PCDHA11: variants seen among roughly 807,000 people sequenced by gnomAD.
PCDHA11 encodes protocadherin alpha 11, also known as protocadherin alpha-11.
Under a neutral mutation model 70.3 loss-of-function variants are expected in PCDHA11, and 61 were observed. The ratio of observed to expected loss-of-function variants is 0.87; its 90% CI spans 0.71 to 1.07. PCDHA11 has a LOEUF of 1.07. PCDHA11 is among the 50% of genes least tolerant of loss of function. The pLI, the probability that PCDHA11 is intolerant of heterozygous loss-of-function variation, is 0.00. For missense variants in PCDHA11, 1,324 were observed against 1,237.5 expected, an observed-to-expected ratio of 1.07 and a Z score of -1.05; for synonymous variants, 633 against 555.1, an observed-to-expected ratio of 1.14 and a Z score of -1.97.
In PCDHA11 at chr5:141,009,754, C is replaced by A. The variant is rs200585286; in HGVS notation, c.2667C>A (p.Ile889=). 18 of 1,614,022 alleles carry A rather than the reference C, an allele frequency of 1.1e-5. No individual in the cohort carries two copies. Among genetic ancestry groups the A allele is most frequent in the Non-Finnish European group, 1.5e-5 (18 of 1,180,034 alleles). ...GTGAGTTGCCCGACAAATTCATTAT[C>A]CCAGGATCTCCTGCAATCATCTCCA... The part of the protein sequence containing the change: ...GPGELPDKFI[I]PGSPAIISIR... The change falls in exon 4 of 4, where the codon ATC becomes ATA. Residue 889 remains isoleucine, a synonymous_variant. Coordinates refer to ENST00000398640, the MANE Select transcript of PCDHA11 (RefSeq NM_018902.5).
intron 1 of PCDHA11, among the ~76,000 whole-genome samples, chr5:140,923,800 T>C (rs1235494729): frequency 2.0e-5 from 3 of 152,178 alleles, no homozygotes; most frequent in Non-Finnish European, 4.4e-5. Flanking sequence ...TTTTCACAAA[T>C]GAAATCTTCT....
chr5:140,969,631 G>C (rs1554231956), intron 1 of PCDHA11: 1 of 227,796 alleles, frequency 4.4e-6, no homozygotes, highest in Non-Finnish European at 7.3e-6. Flanking sequence ...AAACAGGACA[G>C]GCCTTGGAAT....
chr5:140,910,324 T>C (rs2074979860), intron 1 of PCDHA11, among the ~76,000 whole-genome samples: 3 of 152,220 alleles, frequency 2.0e-5, no homozygotes, highest in Non-Finnish European at 4.4e-5. Flanking sequence ...AGTCAGACTA[T>C]TGTGATTGCT....
At chr5:140,876,480 C>T (rs368324550) in intron 1 of PCDHA11, 10 of 1,613,874 alleles carry the variant, frequency 6.2e-6, no homozygotes, top group Non-Finnish European at 8.5e-6. Context: ...ACAGCATGGT[C>T]CTGGTGGAAG....
At position 140,869,765 on chromosome 5, in the gene PCDHA11, A is replaced by C. The variant is rs376277801; in HGVS notation, c.662A>C (p.Glu221Ala). 3 of 1,613,164 alleles carry C rather than the reference A, an allele frequency of 1.9e-6. No individual in the cohort carries two copies. The highest frequency in any genetic ancestry group is 2.7e-5 in the African/African-American group (2 of 74,938). ...ACAGCTACAGACGGGGGAAAACCAG[A>C]GCTTACTGGCACCGTTCGGCTGTTA... is the stretch of plus-strand genomic sequence containing the variant. Reference protein sequence around the residue: ...LLTATDGGKPELTGTVRLLVQ... With the variant: ...LLTATDGGKPALTGTVRLLVQ... The change falls in exon 1 of 4, where the codon GAG (glutamate) becomes GCG (alanine). Residue 221 changes from glutamate (E) to alanine (A), a missense_variant. By Grantham distance (107) the Glu-to-Ala change is moderately radical. Coordinates refer to ENST00000398640, the MANE Select transcript of PCDHA11 (RefSeq NM_018902.5).
intron 1 of PCDHA11, chr5:140,928,860 G>A: frequency 1.2e-6 from 2 of 1,614,154 alleles, no homozygotes; most frequent in Non-Finnish European, 1.7e-6. Flanking sequence ...GTGTGCTGTT[G>A]AGCAACTCTG....
intron 1 of PCDHA11, among the ~76,000 whole-genome samples, chr5:140,945,201 T>C (rs1168662297): frequency 2.6e-5 from 4 of 152,054 alleles, no homozygotes; most frequent in Non-Finnish European, 5.9e-5. Flanking sequence ...CTATTTACAA[T>C]AGCTATGAGA....
intron 1 of PCDHA11, chr5:140,968,033 G>A (rs1554230222): frequency 6.2e-7 from 1 of 1,614,074 alleles, no homozygotes; most frequent in African/African-American, 1.3e-5. Context: ...TACACTGGTG[G>A]TGAGCGGCCC....
Position 140,958,548 on chromosome 5 carries a change from A to G in PCDHA11, c.2392-20401A>G, listed in dbSNP as rs185504563. The stretch of plus-strand genomic sequence containing the variant: ...TATGTGTACATTGATTTATGAACCA[A>G]TAAATGTTTCATACACAGTTGAGAT... On this transcript the variant is annotated intron_variant, in intron 1 of 3. Transcript: ENST00000398640. Among the ~76,000 whole-genome samples the G allele has an allele frequency of 5.4e-3, 828 of 152,296 alleles. 8 individuals are homozygous for G. Among genetic ancestry groups the G allele is most frequent in the South Asian group, 1.0e-2 (48 of 4,822 alleles).
At chr5:140,984,973 T>C (rs1397062066) in intron 3 of PCDHA11, among the ~76,000 whole-genome samples, 1 of 152,150 alleles carries the variant, frequency 6.6e-6, no homozygotes, top group Non-Finnish European at 1.5e-5. Context: ...AGTCTCGCTC[T>C]GTCCCCCAGG....
At chr5:140,923,752 G>A (rs1004241488) in intron 1 of PCDHA11, among the ~76,000 whole-genome samples, 1 of 152,186 alleles carries the variant, frequency 6.6e-6, no homozygotes, top group Non-Finnish European at 1.5e-5. Context: ...GAGGCATATG[G>A]TGGGACAAAT....
At position 140,870,128 on chromosome 5, in the gene PCDHA11, C is replaced by T; in HGVS notation, c.1025C>T (p.Thr342Ile). 1 of 1,613,948 alleles carries T rather than the reference C, an allele frequency of 6.2e-7. No individual in the cohort carries two copies. The highest frequency in any genetic ancestry group is 8.5e-7 in the Non-Finnish European group (1 of 1,179,908). Residue 342 changes from threonine to isoleucine, a missense_variant, in exon 1 of 4, where the codon ACC becomes ATC. Coordinates refer to ENST00000398640, the MANE Select transcript of PCDHA11 (RefSeq NM_018902.5). ...HCTVWVEILDTNDNSPEVAVT... is the reference protein window; with the variant it reads ...HCTVWVEILDINDNSPEVAVT... ...ACAGTCTGGGTGGAAATCTTGGACA[C>T]CAACGATAACTCTCCTGAAGTCGCC...
At chr5:140,967,954 C>T in intron 1 of PCDHA11, 1 of 1,614,208 alleles carries the variant, frequency 6.2e-7, no homozygotes, top group Non-Finnish European at 8.5e-7. Flanking sequence ...ACTCAGGCCC[C>T]AACCGGAAAG....
intron 1 of PCDHA11, chr5:140,929,180 G>C (rs782260576): frequency 2.7e-5 from 44 of 1,614,150 alleles, no homozygotes; most frequent in Non-Finnish European, 3.7e-5. Flanking sequence ...CTGGGACTTG[G>C]TTCTGATAAT....
At chr5:141,003,143 ACT>A (rs1162243146) in intron 3 of PCDHA11, among the ~76,000 whole-genome samples, 1 of 152,180 alleles carries the variant, frequency 6.6e-6, no homozygotes, top group East Asian at 1.9e-4. Context: ...CTTGGCAAAG[ACT>A]CTGACCTGAT....
chr5:140,924,613 T>G (rs185833158), intron 1 of PCDHA11, among the ~76,000 whole-genome samples: 1 of 152,170 alleles, frequency 6.6e-6, no homozygotes, highest in African/African-American at 2.4e-5. Context: ...TGATGCCAGG[T>G]GCGGTGGCAT....
chr5:140,919,795 A>G (rs1554199259), intron 1 of PCDHA11, among the ~76,000 whole-genome samples: 1 of 152,070 alleles, frequency 6.6e-6, no homozygotes, highest in East Asian at 1.9e-4. Context: ...CTTGTGGTGG[A>G]TTGAATTGTG....
intron 1 of PCDHA11, among the ~76,000 whole-genome samples, chr5:140,892,669 C>T (rs1361630982): frequency 2.6e-5 from 4 of 152,134 alleles, no homozygotes; most frequent in African/African-American, 9.7e-5. Context: ...CATTTTGATA[C>T]ATATATACAA....
At chr5:140,884,318 G>A (rs1345534362) in intron 1 of PCDHA11, 1 of 1,613,692 alleles carries the variant, frequency 6.2e-7, no homozygotes, top group Non-Finnish European at 8.5e-7. Flanking sequence ...GAGGGCGTCG[G>A]CAGGCGCTGT....
Sources: allele counts gnomAD v4.1 joint callset (sites outside exome capture counted in the v4.1 genomes callset), GRCh38; gene constraint gnomAD v4.1.1; transcripts MANE v1.5; gene names NCBI Gene and HGNC (gene_info 2026-07-23, HGNC 2026-07-21).